UBE2H: variants seen among roughly 807,000 people sequenced by gnomAD.
UBE2H encodes ubiquitin-conjugating enzyme E2 H.
UBE2H carries 3 observed loss-of-function variants against 29.0 expected under a neutral mutation model. That is an observed-to-expected ratio of 0.10 (90% confidence interval 0.05 to 0.27). The LOEUF (loss-of-function observed/expected upper bound fraction) is 0.27, where lower values mean the gene tolerates loss of function less well. Ranked by LOEUF, UBE2H falls within the 10% of genes least tolerant of loss-of-function variation. The pLI is 1.00. For synonymous variants in UBE2H, 69 were observed against 82.9 expected (o/e 0.83, Z 0.91); for missense variants, 68 against 228.2 (o/e 0.30, Z 4.52).
At chr7:129,940,180 CATG>C (rs537470320) in intron 1 of UBE2H, among the ~76,000 whole-genome samples, 95 of 152,026 alleles carry the variant, frequency 6.2e-4, no homozygotes, top group African/African-American at 1.9e-3. Flanking sequence ...GAAAAGTGTA[CATG>C]ATAACTTGAT....
At chr7:129,939,066 T>C (rs1185138941) in intron 1 of UBE2H, among the ~76,000 whole-genome samples, 1 of 152,218 alleles carries the variant, frequency 6.6e-6, no homozygotes, top group Non-Finnish European at 1.5e-5. Context: ...CCCAAAGTGC[T>C]ACGATTACAG....
intron 1 of UBE2H, among the ~76,000 whole-genome samples, chr7:129,950,862 T>C (rs1807860550): frequency 6.6e-6 from 1 of 152,180 alleles, no homozygotes; most frequent in Non-Finnish European, 1.5e-5. Flanking sequence ...TTCACACATT[T>C]ACAAAACAAT....
At chr7:129,854,093 G>A (rs1462115379) in intron 5 of UBE2H, among the ~76,000 whole-genome samples, 5 of 132,030 alleles carry the variant, frequency 3.8e-5, no homozygotes, top group African/African-American at 1.3e-4. Flanking sequence ...GGCGGGGCAG[G>A]GGTTGGCGGG....
intron 1 of UBE2H, among the ~76,000 whole-genome samples, chr7:129,935,538 C>T (rs1197918131): frequency 3.9e-5 from 6 of 152,048 alleles, no homozygotes; most frequent in Non-Finnish European, 7.4e-5. Context: ...GGCACTTTTA[C>T]AGCACTTATT....
chr7:129,871,353 CTATT>C (rs1317721991), intron 3 of UBE2H, among the ~76,000 whole-genome samples: 2 of 152,290 alleles, frequency 1.3e-5, no homozygotes, highest in East Asian at 1.9e-4. Flanking sequence ...AGCATTATCT[CTATT>C]TATTTTTTTA....
chr7:129,922,109 G>A (rs1225583116), intron 1 of UBE2H, among the ~76,000 whole-genome samples: 2 of 151,560 alleles, frequency 1.3e-5, no homozygotes, highest in Admixed American at 1.3e-4. Context: ...TCAGCCTCCT[G>A]AGTAGCTGAG....
chr7:129,873,949 T>C (rs1157996506), intron 3 of UBE2H, among the ~76,000 whole-genome samples: 3 of 152,206 alleles, frequency 2.0e-5, no homozygotes, highest in South Asian at 2.1e-4. Context: ...TATGTAGATA[T>C]AGATCGGTAG....
intron 1 of UBE2H, among the ~76,000 whole-genome samples, chr7:129,883,653 C>T (rs1416401159): frequency 6.6e-6 from 1 of 152,180 alleles, no homozygotes; most frequent in Admixed American, 6.5e-5. Context: ...ACCAGCCTGG[C>T]CAACATGGCG....
At chr7:129,882,930 T>C (rs76109329) in intron 1 of UBE2H, among the ~76,000 whole-genome samples, 9,687 of 151,716 alleles carry the variant, frequency 0.064, 373 homozygotes, top group Non-Finnish European at 0.092. Context: ...AAAAGACAAA[T>C]GATAAACTAG....
At chr7:129,928,615 A>G (rs1205130408) in intron 1 of UBE2H, among the ~76,000 whole-genome samples, 3 of 152,220 alleles carry the variant, frequency 2.0e-5, no homozygotes, top group Admixed American at 6.5e-5. Flanking sequence ...AAATAAATAA[A>G]TAAATAAAAA....
intron 1 of UBE2H, among the ~76,000 whole-genome samples, chr7:129,921,180 G>C (rs978633148): frequency 2.0e-5 from 3 of 152,028 alleles, no homozygotes; most frequent in African/African-American, 7.3e-5. Flanking sequence ...CTGCTAGACT[G>C]TGTCACTGTC....
chr7:129,863,422 G>A (rs1255773162), intron 3 of UBE2H, among the ~76,000 whole-genome samples: 1 of 152,118 alleles, frequency 6.6e-6, no homozygotes, highest in African/African-American at 2.4e-5. Context: ...CTTTACCTAC[G>A]AAGACAAATA....
chr7:129,893,118 A>T (rs1459350995), intron 1 of UBE2H, among the ~76,000 whole-genome samples: 1 of 151,376 alleles, frequency 6.6e-6, no homozygotes, highest in African/African-American at 2.4e-5. Flanking sequence ...AAAATTTTAC[A>T]GAGTCAACTG....
intron 1 of UBE2H, among the ~76,000 whole-genome samples, chr7:129,935,380 T>C (rs1807505895): frequency 1.4e-5 from 2 of 142,774 alleles, no homozygotes; most frequent in Non-Finnish European, 3.0e-5. Context: ...ACCACTGCAC[T>C]CCAGCCTGGG....
chr7:129,952,243 C>T (rs1807892106), intron 1 of UBE2H, among the ~76,000 whole-genome samples: 1 of 151,956 alleles, frequency 6.6e-6, no homozygotes, highest in Non-Finnish European at 1.5e-5. Context: ...CCAAACGTCG[C>T]GGAGGAAAGT....
intron 1 of UBE2H, among the ~76,000 whole-genome samples, chr7:129,935,129 A>C (rs1807500533): frequency 6.6e-6 from 1 of 151,846 alleles, no homozygotes. Flanking sequence ...TATAACTTTT[A>C]AAAATAAATT....
intron 1 of UBE2H, among the ~76,000 whole-genome samples, chr7:129,903,238 T>G (rs1436050557): frequency 6.6e-6 from 1 of 152,218 alleles, no homozygotes; most frequent in African/African-American, 2.4e-5. Context: ...CTTGAACTGA[T>G]TTTCAGATAA....
rs1433904914 is a variant in UBE2H, at chr7:129,833,370, T to A, written c.*1567A>T. The A allele has an allele frequency of 6.6e-6, 1 of 152,510 alleles. No individual in the cohort carries two copies. 9.4% of individuals were successfully genotyped at this position (152,510 alleles called of 1,614,324 possible). A position where few individuals can be genotyped will look rare whatever the true frequency, so the allele number is the denominator to read the frequency against. On this transcript the variant is annotated 3_prime_UTR_variant, in exon 7 of 7. Transcript: ENST00000355621. ...ATAATCCCAGTGGGATGCTCAAAAA[T>A]CGTCTTTAGAAGGTTTTAGGATTGG... is the stretch of plus-strand genomic sequence containing the variant.
chr7:129,892,354 C>T (rs1043727285), intron 1 of UBE2H, among the ~76,000 whole-genome samples: 2 of 152,034 alleles, frequency 1.3e-5, no homozygotes, highest in Non-Finnish European at 2.9e-5. Context: ...TGGGTTCAAG[C>T]GATTCTCCTT....
Sources: gnomAD v4.1 joint callset for allele counts (sites outside exome capture counted in the v4.1 genomes callset) on GRCh38, gnomAD v4.1.1 for gene constraint, MANE v1.5 for transcripts, NCBI Gene and HGNC (gene_info 2026-07-23, HGNC 2026-07-21) for gene names.